The following ATCAY variants were observed in gnomAD, a reference collection of about 807,000 sequenced individuals.
ATCAY encodes the protein caytaxin.
In ATCAY, 22 loss-of-function variants were observed where a neutral mutation model predicts 47.7. That is an observed-to-expected ratio of 0.46 (90% CI 0.33 to 0.66). ATCAY has a LOEUF of 0.66. Among genes scored for constraint, ATCAY ranks in the 30% least tolerant of loss-of-function variants. The probability of loss-of-function intolerance (pLI) is 0.02; values close to 1 mark genes in which losing one functional copy is unlikely to be tolerated. For synonymous variants in ATCAY, 216 were observed against 207.6 expected (o/e 1.04, Z -0.35); for missense variants, 452 against 515.0 (o/e 0.88, Z 1.18).
At chr19:3,919,822 A>C (rs534301543) in intron 11 of ATCAY, among the ~76,000 whole-genome samples, 116 of 152,260 alleles carry the variant, frequency 7.6e-4, no homozygotes, top group African/African-American at 2.7e-3. Flanking sequence ...TAATGATGAA[A>C]GGTGACCTTT....
chr19:3,885,722 T>C lies in ATCAY; in HGVS notation c.-41-5T>C. On this transcript the variant is annotated splice_region_variant and splice_polypyrimidine_tract_variant and intron_variant, in intron 1 of 12. Transcript: ENST00000450849. The stretch of plus-strand genomic sequence containing the variant: ...AAAACCCATTCCTCTGCGGCTTCCT[T>C]TCAGGGGTCATCCCTGCTTCAAGCC... The C allele has an allele frequency of 3.9e-6, 6 of 1,522,252 alleles. No individual in the cohort carries two copies. The highest frequency in any genetic ancestry group is 5.3e-6 in the Non-Finnish European group (6 of 1,122,178). 94.3% of individuals were successfully genotyped at this position (1,522,252 alleles called of 1,614,324 possible). A position where few individuals can be genotyped will look rare whatever the true frequency, so the allele number is the denominator to read the frequency against.
intron 3 of ATCAY, 118 bp from the exon 4 acceptor site, chr19:3,905,316 G>A: frequency 9.6e-7 from 1 of 1,036,940 alleles, no homozygotes; most frequent in Non-Finnish European, 1.4e-6. Context: ...ATACAGAAGG[G>A]AGCCCACCCT....
At chr19:3,898,833 C>T (rs936989519) in intron 2 of ATCAY, among the ~76,000 whole-genome samples, 1 of 152,130 alleles carries the variant, frequency 6.6e-6, no homozygotes, top group African/African-American at 2.4e-5. Context: ...AGGCATGCGC[C>T]ACCATGTCCA....
At chr19:3,909,392 C>G (rs2038902574) in intron 6 of ATCAY, 94 bp from the exon 7 acceptor site, 2 of 1,458,142 alleles carry the variant, frequency 1.4e-6, no homozygotes, top group Admixed American at 1.9e-5. Context: ...ACCCAGCCAG[C>G]GGCAGGAGTG....
chr19:3,923,738 G>A (rs1205875941), intron 12 of ATCAY, among the ~76,000 whole-genome samples: 1 of 150,618 alleles, frequency 6.6e-6, no homozygotes, highest in Non-Finnish European at 1.5e-5. Flanking sequence ...ATGGGTGGGT[G>A]GATGGATGGA....
rs2039064270 is a variant in ATCAY, at chr19:3,926,151, C to G, written c.*1559C>G. On this transcript the variant is annotated 3_prime_UTR_variant, in exon 13 of 13. Coordinates refer to ENST00000450849, the MANE Select transcript of ATCAY (RefSeq NM_033064.5). ...CGAAACCCCGTCTCTAATAAAAATA[C>G]AAAAATTAGCCGGGCATGGTGGTGC... The G allele has an allele frequency of 6.6e-6, 1 of 151,380 alleles. No individual in the cohort carries two copies. The highest frequency in any genetic ancestry group is 1.5e-5 in the Non-Finnish European group (1 of 67,906). 9.4% of individuals were successfully genotyped at this position (151,380 alleles called of 1,614,324 possible). A position where few individuals can be genotyped will look rare whatever the true frequency, so the allele number is the denominator to read the frequency against.
intron 3 of ATCAY, among the ~76,000 whole-genome samples, chr19:3,903,493 A>C (rs1007938220): frequency 6.6e-6 from 1 of 151,956 alleles, no homozygotes; most frequent in Non-Finnish European, 1.5e-5. Context: ...ACATTCAGTT[A>C]AGCAGAATAT....
At position 3,892,001 on chromosome 19, in the gene ATCAY, T is replaced by C. The variant is rs747809874; in HGVS notation, c.77+6157T>C. ...ACTTCCCAGGTTCCAGCAATTCTCC[T>C]GCCTCAGCCTCCCAAATAGCTGAGT... is the stretch of plus-strand genomic sequence containing the variant. On this transcript the variant is annotated intron_variant, in intron 2 of 12. Transcript: ENST00000450849. 6.0e-4 allele frequency among the ~76,000 whole-genome samples: 92 copies of C among 152,144 alleles called. 1 individual carries two copies. The highest frequency in any genetic ancestry group is 2.0e-3 in the Admixed American group (30 of 15,230).
At chr19:3,885,695 G>C in intron 1 of ATCAY, 32 bp from the exon 2 acceptor site, 1 of 1,362,544 alleles carries the variant, frequency 7.3e-7, no homozygotes, top group Non-Finnish European at 1.0e-6. Context: ...CTATTGTCCA[G>C]TAAAACCCAT....
At chr19:3,898,034 C>T (rs534479529) in intron 2 of ATCAY, among the ~76,000 whole-genome samples, 1 of 152,138 alleles carries the variant, frequency 6.6e-6, no homozygotes, top group South Asian at 2.1e-4. Context: ...TTCTGCAACC[C>T]CACATCTATC....
At chr19:3,890,453 G>A (rs1476596403) in intron 2 of ATCAY, among the ~76,000 whole-genome samples, 1 of 142,636 alleles carries the variant, frequency 7.0e-6, no homozygotes, top group African/African-American at 2.6e-5. Context: ...GGTAGAGACG[G>A]GGTTTCACCA....
intron 2 of ATCAY, among the ~76,000 whole-genome samples, chr19:3,888,459 G>A (rs1232335973): frequency 6.6e-6 from 1 of 151,894 alleles, no homozygotes; most frequent in African/African-American, 2.4e-5. Context: ...GTGAAACCCC[G>A]TCTCTACTAA....
intron 2 of ATCAY, 146 bp downstream of exon 2, chr19:3,885,990 T>C: frequency 1.3e-6 from 1 of 763,662 alleles, no homozygotes; most frequent in South Asian, 1.6e-5. Flanking sequence ...TCCCGCACAC[T>C]CTGGGAGGCC....
intron 2 of ATCAY, among the ~76,000 whole-genome samples, chr19:3,896,968 G>C (rs1319367558): frequency 6.6e-6 from 1 of 151,584 alleles, no homozygotes; most frequent in Non-Finnish European, 1.5e-5. Flanking sequence ...TTAGAGACAG[G>C]GTTTTGCCAT....
Position 3,898,522 on chromosome 19 carries a change from T to G in ATCAY, c.78-3965T>G, listed in dbSNP as rs2038788181. On this transcript the variant is annotated intron_variant, in intron 2 of 12. Coordinates refer to ENST00000450849, the MANE Select transcript of ATCAY (RefSeq NM_033064.5). ...AATTGGAATCACACACTGTGTGGCCTTTTGTGTCTGGCATCTCTCACTGAG... is the reference window on the plus strand; with the variant it reads ...AATTGGAATCACACACTGTGTGGCCGTTTGTGTCTGGCATCTCTCACTGAG... 2.6e-5 allele frequency among the ~76,000 whole-genome samples: 4 copies of G among 152,328 alleles called. No homozygotes were observed. In the South Asian group the frequency reaches 8.3e-4, roughly 32 times the overall value.
intron 2 of ATCAY, among the ~76,000 whole-genome samples, chr19:3,888,305 A>G (rs1415355951): frequency 6.6e-6 from 1 of 152,094 alleles, no homozygotes; most frequent in African/African-American, 2.4e-5. Flanking sequence ...CAAAAAGACC[A>G]GGTGTGTTCC....
Position 3,892,184 on chromosome 19 carries a change from C to A in ATCAY, c.77+6340C>A, listed in dbSNP as rs565666397. Among the ~76,000 whole-genome samples the A allele has an allele frequency of 7.2e-5, 11 of 152,078 alleles. No individual in the cohort carries two copies. The East Asian group carries it at 2.1e-3, about 29-fold the overall frequency. On this transcript the variant is annotated intron_variant, in intron 2 of 12. Coordinates refer to ENST00000450849, the MANE Select transcript of ATCAY (RefSeq NM_033064.5). The stretch of plus-strand genomic sequence containing the variant: ...GGATTACAGGCGTGAGCCACCATGC[C>A]CAGCTGCTTGTAACTTTTTAATTTT...
intron 2 of ATCAY, among the ~76,000 whole-genome samples, chr19:3,900,403 G>A (rs2038806445): frequency 6.6e-6 from 1 of 151,924 alleles, no homozygotes; most frequent in South Asian, 2.1e-4. Context: ...GCCCAGGCTG[G>A]CCTAATGTCC....
intron 1 of ATCAY, among the ~76,000 whole-genome samples, chr19:3,883,623 A>AG (rs1599272705): frequency 1.3e-5 from 2 of 151,744 alleles, no homozygotes; most frequent in East Asian, 3.9e-4. Flanking sequence ...TGGCCTGCCC[A>AG]GGGGGCACTC....
Sources: gnomAD v4.1 joint callset for allele counts (sites outside exome capture counted in the v4.1 genomes callset) on GRCh38, gnomAD v4.1.1 for gene constraint, MANE v1.5 for transcripts, NCBI Gene and HGNC (gene_info 2026-07-23, HGNC 2026-07-21) for gene names.